TIAM1: variants seen among roughly 807,000 people sequenced by gnomAD.
TIAM1 encodes the protein rho guanine nucleotide exchange factor TIAM1.
A neutral mutation model predicts 163.5 loss-of-function variants in TIAM1; 65 were observed. The ratio of observed to expected loss-of-function variants is 0.40; its 90% confidence interval spans 0.33 to 0.49. The LOEUF is 0.49. Among genes scored for constraint, TIAM1 ranks in the 20% least tolerant of loss-of-function variants. The pLI, the probability that TIAM1 is intolerant of heterozygous loss-of-function variation, is 0.77. For missense variants in TIAM1, 1,789 were observed against 2,044.7 expected (o/e 0.87, Z 2.41); for synonymous variants, 833 against 810.1 (o/e 1.03, Z -0.48).
chr21:31,324,216 C>T (rs2075410936), intron 2 of TIAM1, among the ~76,000 whole-genome samples: 1 of 151,940 alleles, frequency 6.6e-6, no homozygotes, highest in Admixed American at 6.6e-5. Flanking sequence ...CAACATTCAA[C>T]AATAACTCAA....
intron 1 of TIAM1, among the ~76,000 whole-genome samples, chr21:31,468,902 A>C: frequency 6.6e-6 from 1 of 151,626 alleles, no homozygotes. Context: ...GGCCCTGGGG[A>C]GGCACCACGG....
intron 2 of TIAM1, among the ~76,000 whole-genome samples, chr21:31,300,371 T>C (rs1183287454): frequency 6.6e-6 from 1 of 152,184 alleles, no homozygotes; most frequent in Non-Finnish European, 1.5e-5. Flanking sequence ...TGAGCCATAA[T>C]AACTGGAATT....
chr21:31,192,491 C>G (rs965803710), intron 13 of TIAM1, among the ~76,000 whole-genome samples: 1 of 152,046 alleles, frequency 6.6e-6, no homozygotes, highest in African/African-American at 2.4e-5. Flanking sequence ...GTGGCACACG[C>G]CTGTAATCCC....
intron 2 of TIAM1, among the ~76,000 whole-genome samples, chr21:31,423,457 C>T (rs1299601724): frequency 6.6e-6 from 1 of 151,950 alleles, no homozygotes; most frequent in Non-Finnish European, 1.5e-5. Context: ...GCTGTCCCTG[C>T]CCCATCATTA....
rs192055656 is a variant in TIAM1, at chr21:31,194,382, C to G, written c.2575+842G>C. Among the ~76,000 whole-genome samples, 515 of 152,186 alleles carry G rather than the reference C, an allele frequency of 3.4e-3. 2 individuals are homozygous for G. The highest frequency in any genetic ancestry group is 0.012 in the African/African-American group (479 of 41,520). ...CCCCCTACACACCACCAAAATAGTT[C>G]CTTTAACATTATTTGTATGGGAAGG... On this transcript the variant is annotated intron_variant, in intron 13 of 27. Coordinates refer to ENST00000541036, the MANE Select transcript of TIAM1 (RefSeq NM_001353694.2).
At chr21:31,188,930 T>TAA in intron 13 of TIAM1, among the ~76,000 whole-genome samples, 1 of 151,974 alleles carries the variant, frequency 6.6e-6, no homozygotes, top group Middle Eastern at 3.4e-3. Context: ...GAAACACCTT[T>TAA]GCTTAACTGG....
At chr21:31,502,707 C>T (rs16988326) in intron 1 of TIAM1, among the ~76,000 whole-genome samples, 1,711 of 152,312 alleles carry the variant, frequency 0.011, 62 homozygotes, top group East Asian at 0.075. Context: ...TGGTTCACTC[C>T]GGATTGCACC....
At chr21:31,182,781 C>G in intron 14 of TIAM1, 136 bp from the exon 15 acceptor site, 1 of 834,764 alleles carries the variant, frequency 1.2e-6, no homozygotes, top group Non-Finnish European at 1.8e-6. Flanking sequence ...CTGCGGTGCT[C>G]GGGAGTGATC....
chr21:31,511,202 G>A (rs534727543), intron 1 of TIAM1, among the ~76,000 whole-genome samples: 1 of 152,364 alleles, frequency 6.6e-6, no homozygotes, highest in East Asian at 1.9e-4. Context: ...CACCCTGTTG[G>A]TGGCACTTTG....
intron 1 of TIAM1, among the ~76,000 whole-genome samples, chr21:31,533,231 G>C (rs1427946634): frequency 6.6e-6 from 1 of 152,180 alleles, no homozygotes; most frequent in Non-Finnish European, 1.5e-5. Flanking sequence ...TGAGGCAGGA[G>C]AATCGCTTGA....
At chr21:31,334,287 GC>G (rs1350348613) in intron 2 of TIAM1, among the ~76,000 whole-genome samples, 1 of 91,638 alleles carries the variant, frequency 1.1e-5, no homozygotes, top group Non-Finnish European at 2.4e-5. Context: ...CCACCTCCCC[GC>G]CTTTTTTTTT....
At chr21:31,426,980 G>A (rs1395112394) in intron 2 of TIAM1, among the ~76,000 whole-genome samples, 2 of 152,016 alleles carry the variant, frequency 1.3e-5, no homozygotes, top group African/African-American at 4.8e-5. Context: ...AAGTGCAGTG[G>A]CACAATCATA....
At chr21:31,236,758 C>G (rs2088791137) in intron 6 of TIAM1, among the ~76,000 whole-genome samples, 1 of 152,082 alleles carries the variant, frequency 6.6e-6, no homozygotes, top group African/African-American at 2.4e-5. Flanking sequence ...GGAATTGACT[C>G]TAGAGGAAAC....
At chr21:31,399,524 T>A (rs1192482227) in intron 2 of TIAM1, among the ~76,000 whole-genome samples, 6 of 152,180 alleles carry the variant, frequency 3.9e-5, no homozygotes, top group African/African-American at 1.4e-4. Context: ...AAATACCTTC[T>A]TCATCTAAAA....
At chr21:31,136,502 C>T (rs200368971) in intron 22 of TIAM1, among the ~76,000 whole-genome samples, 1 of 148,156 alleles carries the variant, frequency 6.7e-6, no homozygotes, top group Non-Finnish European at 1.5e-5. Flanking sequence ...AAAAAAAAAT[C>T]CTTTAATTCA....
intron 1 of TIAM1, among the ~76,000 whole-genome samples, chr21:31,539,270 CT>C (rs59981509): frequency 9.6e-4 from 139 of 144,212 alleles, no homozygotes; most frequent in South Asian, 2.6e-3. Flanking sequence ...ATGGGTTACT[CT>C]TTTTTTTTTT....
chr21:31,289,090 T>C (rs1230735037), intron 2 of TIAM1, among the ~76,000 whole-genome samples: 3 of 152,238 alleles, frequency 2.0e-5, no homozygotes, highest in African/African-American at 7.2e-5. Flanking sequence ...CAAGTGCCAC[T>C]TAAACACATG....
intron 16 of TIAM1, among the ~76,000 whole-genome samples, chr21:31,155,447 T>C (rs2083569945): frequency 6.6e-6 from 1 of 152,244 alleles, no homozygotes; most frequent in African/African-American, 2.4e-5. Context: ...TAGCACAAAA[T>C]TTAATTCACT....
At chr21:31,329,789 T>C (rs1228358493) in intron 2 of TIAM1, among the ~76,000 whole-genome samples, 2 of 152,228 alleles carry the variant, frequency 1.3e-5, no homozygotes, top group African/African-American at 2.4e-5. Context: ...AGAAGTACTA[T>C]AGGTCAAAAG....
Sources: allele counts gnomAD v4.1 joint callset (sites outside exome capture counted in the v4.1 genomes callset), GRCh38; gene constraint gnomAD v4.1.1; transcripts MANE v1.5; gene names NCBI Gene and HGNC (gene_info 2026-07-23, HGNC 2026-07-21).